Variants in ZNF514 observed in about 807,000 individuals in gnomAD.
The protein encoded by ZNF514 is zinc finger protein 514.
A neutral mutation model predicts 9.7 loss-of-function variants in ZNF514; 12 were observed. That is an observed-to-expected ratio of 1.24 (90% CI 0.79 to 2.01). ZNF514 has a LOEUF of 2.01. ZNF514 is among the 30% of genes most tolerant of loss of function. The pLI is 0.00. For missense variants in ZNF514, 467 were observed against 465.5 expected, an observed-to-expected ratio of 1.00 and a Z score of -0.03; for synonymous variants, 158 against 163.7, an observed-to-expected ratio of 0.97 and a Z score of 0.27.
intron 1 of ZNF514, chr2:95,158,828 CCA>C (rs1281128768): frequency 7.8e-7 from 1 of 1,283,216 alleles, no homozygotes; most frequent in Non-Finnish European, 1.0e-6. Context: ...TTAGATGTCG[CCA>C]CACGGAAGGC....
chr2:95,128,531 G>A, the ZNF514 span, among the ~76,000 whole-genome samples: 1 of 152,040 alleles, frequency 6.6e-6, no homozygotes, highest in Non-Finnish European at 1.5e-5. Context: ...ACTCCAGCCT[G>A]GGCGACAGAG....
the ZNF514 span, among the ~76,000 whole-genome samples, chr2:95,132,889 G>T: frequency 8.3e-6 from 1 of 121,078 alleles, no homozygotes; most frequent in South Asian, 2.7e-4. Context: ...AAAAAAAAAA[G>T]CTAAACATGC....
In ZNF514 at chr2:95,149,361, T is replaced by C; in HGVS notation, c.1124A>G (p.Asn375Ser). 6.2e-7 allele frequency: 1 copy of C among 1,614,036 alleles called. No individual in the cohort carries two copies. Among genetic ancestry groups the C allele is most frequent in the Non-Finnish European group, 8.5e-7 (1 of 1,179,876 alleles). The change falls in exon 5 of 5, where the codon AAT becomes AGT. Residue 375 changes from asparagine (N) to serine (S), a missense_variant. By Grantham distance (46) the Asn-to-Ser change is conservative. Coordinates refer to ENST00000295208, the MANE Select transcript of ZNF514 (RefSeq NM_032788.3). Reference protein sequence around the residue: ...FHTGEKPYKCNECGRAFAHTA... With the variant: ...FHTGEKPYKCSECGRAFAHTA... ...ATGAGCAAAGGCCCTTCCACACTCA[T>C]TACATTTGTAGGGTTTCTCTCCAGT...
the ZNF514 span, among the ~76,000 whole-genome samples, chr2:95,139,420 G>A: frequency 2.6e-5 from 4 of 152,226 alleles, no homozygotes; most frequent in Non-Finnish European, 4.4e-5. Flanking sequence ...AGTGTGCCCT[G>A]GATGCAGGAT....
chr2:95,132,168 A>C, the ZNF514 span, among the ~76,000 whole-genome samples: 1 of 151,362 alleles, frequency 6.6e-6, no homozygotes, highest in African/African-American at 2.4e-5. Flanking sequence ...AAAAAAAAAA[A>C]AACAGAGAGA....
rs1264046075 is a variant in ZNF514 at position 95,149,496 on chromosome 2, G to A, written c.989C>T (p.Ser330Leu). 22 of 1,614,004 alleles carry A rather than the reference G, an allele frequency of 1.4e-5. No individual in the cohort carries two copies. Among genetic ancestry groups the A allele is most frequent in the Non-Finnish European group, 1.9e-5 (22 of 1,180,000 alleles). Residue 330 changes from serine (S) to leucine (L), a missense_variant, in exon 5 of 5, where the codon TCA becomes TTA. Transcript: ENST00000295208. ...ATGAAATCTGTAATGCACAATGAGTGATGAGCTCTGGCTGAAGGTTCTCCC... is the reference window on the plus strand; with the variant it reads ...ATGAAATCTGTAATGCACAATGAGTAATGAGCTCTGGCTGAAGGTTCTCCC... ...ECGRTFSQSS[S>L]LIVHYRFHTG...
Position 95,149,535 on chromosome 2 carries a change from T to TC in ZNF514, c.949dup (p.Glu317GlyfsTer31). 1 of 1,614,136 alleles carries TC rather than the reference T, an allele frequency of 6.2e-7. No homozygotes were observed. Among genetic ancestry groups the TC allele is most frequent in the Non-Finnish European group, 8.5e-7 (1 of 1,179,992 alleles). ...GAAGGTTCTCCCACATTCCCGGCAT[T>TC]CATAGGGCTTTTCTCCAGTATGAGT... On this transcript the variant is annotated frameshift_variant, in exon 5 of 5. Coordinates refer to ENST00000295208, the MANE Select transcript of ZNF514 (RefSeq NM_032788.3). LOFTEE classifies it low-confidence loss of function (END_TRUNC).
rs1360576858 is a variant in ZNF514 at position 95,146,534 on chromosome 2, A to G, written c.*2748T>C. 6.6e-6 allele frequency among the ~76,000 whole-genome samples: 1 copy of G among 151,798 alleles called. No individual in the cohort carries two copies. Among genetic ancestry groups the G allele is most frequent in the African/African-American group, 2.4e-5 (1 of 41,312 alleles). The stretch of plus-strand genomic sequence containing the variant: ...AAAGGCATGTCTGAGGGATGACAAG[A>G]GAGCATTTGTGTGCAATGGAGGCTT... On this transcript the variant is annotated 3_prime_UTR_variant, in exon 5 of 5. Transcript: ENST00000295208.
At chr2:95,153,490 CA>C in intron 2 of ZNF514, 1 of 362,290 alleles carries the variant, frequency 2.8e-6, no homozygotes. Flanking sequence ...CTCAAATACA[CA>C]AGGATCAACA....
chr2:95,138,023 C>T, the ZNF514 span, among the ~76,000 whole-genome samples: 143 of 152,316 alleles, frequency 9.4e-4, no homozygotes, highest in Non-Finnish European at 1.5e-3. Flanking sequence ...CACCCTTCAC[C>T]TTCCACCATG....
At chr2:95,157,980 G>A (rs1352773081) in intron 1 of ZNF514, among the ~76,000 whole-genome samples, 1 of 152,166 alleles carries the variant, frequency 6.6e-6, no homozygotes. Context: ...ACACTTGAGA[G>A]CTCCTTCATT....
At chr2:95,128,619 A>G in the ZNF514 span, among the ~76,000 whole-genome samples, 1 of 150,930 alleles carries the variant, frequency 6.6e-6, no homozygotes, top group South Asian at 2.1e-4. Context: ...AAGAAAGAAA[A>G]AGGAGGAGGA....
chr2:95,127,965 G>A, the ZNF514 span, among the ~76,000 whole-genome samples: 1 of 152,192 alleles, frequency 6.6e-6, no homozygotes, highest in Non-Finnish European at 1.5e-5. Context: ...AAAGAGCCAT[G>A]GCCACATGCA....
chr2:95,130,432 T>C, the ZNF514 span, among the ~76,000 whole-genome samples: 1 of 152,098 alleles, frequency 6.6e-6, no homozygotes, highest in African/African-American at 2.4e-5. Flanking sequence ...CTGAACAAAA[T>C]TTATTAGGTG....
In ZNF514 at chr2:95,155,931, G is replaced by C. The variant is rs1673675781; in HGVS notation, c.-7+1420C>G. On this transcript the variant is annotated intron_variant, in intron 2 of 4. Coordinates refer to ENST00000295208, the MANE Select transcript of ZNF514 (RefSeq NM_032788.3). ...CCAGAGGGAACTGACCCTTCAGCCT[G>C]AAGCTCAGAGAGAAGAGGGTGTGGA... is the stretch of plus-strand genomic sequence containing the variant. Among the ~76,000 whole-genome samples, 3 of 152,190 alleles carry C rather than the reference G, an allele frequency of 2.0e-5. No individual in the cohort carries two copies. The South Asian group carries it at 6.2e-4, about 31-fold the overall frequency.
chr2:95,139,796 A>G, the ZNF514 span, among the ~76,000 whole-genome samples: 3 of 152,120 alleles, frequency 2.0e-5, no homozygotes, highest in East Asian at 1.9e-4. Context: ...AATGGCTTAG[A>G]TATTTGTCCC....
the ZNF514 span, among the ~76,000 whole-genome samples, chr2:95,127,573 T>C: frequency 6.6e-6 from 1 of 151,802 alleles, no homozygotes; most frequent in African/African-American, 2.4e-5. Flanking sequence ...TGTTTTGTTT[T>C]TGTTTTTGTT....
downstream of ZNF514, among the ~76,000 whole-genome samples, chr2:95,140,050 C>T (rs1438829322): frequency 1.1e-4 from 17 of 151,962 alleles, no homozygotes; most frequent in African/African-American, 3.4e-4. Flanking sequence ...AAACACCACA[C>T]GTTCTCACTC....
intron 1 of ZNF514, 146 bp from the exon 2 acceptor site, chr2:95,157,585 A>T (rs1036258822): frequency 1.5e-5 from 6 of 398,124 alleles, no homozygotes; most frequent in African/African-American, 1.3e-4. Context: ...TCTGAGAGGC[A>T]GCTTCTAGCC....
Sources: allele counts gnomAD v4.1 joint callset (sites outside exome capture counted in the v4.1 genomes callset), GRCh38; gene constraint gnomAD v4.1.1; transcripts MANE v1.5; gene names NCBI Gene and HGNC (gene_info 2026-07-23, HGNC 2026-07-21).